ARHGEF10: variants seen among roughly 807,000 people sequenced by gnomAD.
The protein encoded by ARHGEF10 is Rho guanine nucleotide exchange factor 10, also known as Rho guanine nucleotide exchange factor (GEF) 10.
ARHGEF10 carries 140 observed loss-of-function variants against 147.4 expected under a neutral mutation model. The observed-to-expected ratio is 0.95, with a 90% confidence interval of 0.83 to 1.09. ARHGEF10 has a LOEUF of 1.09. Among genes scored for constraint, ARHGEF10 ranks in the 50% least tolerant of loss-of-function variants. The pLI is 0.00. For missense variants in ARHGEF10, 2,222 were observed against 1,752.7 expected, an observed-to-expected ratio of 1.27 and a Z score of -4.78; for synonymous variants, 902 against 695.8, an observed-to-expected ratio of 1.30 and a Z score of -4.67.
chr8:1,854,380 A>C (rs1217040823), intron 2 of ARHGEF10, among the ~76,000 whole-genome samples: 1 of 152,254 alleles, frequency 6.6e-6, no homozygotes, highest in Non-Finnish European at 1.5e-5. Context: ...GTGCAGCCTC[A>C]GGTGGTTACA....
At chr8:1,870,364 C>T (rs1807010720) in intron 7 of ARHGEF10, 1 of 149,172 alleles carries the variant, frequency 6.7e-6, no homozygotes, top group Admixed American at 6.8e-5. Flanking sequence ...CTGGTAAATG[C>T]AAGAAAATAT....
intron 18 of ARHGEF10, among the ~76,000 whole-genome samples, chr8:1,913,279 C>G (rs1811514596): frequency 1.3e-5 from 2 of 148,970 alleles, no homozygotes; most frequent in African/African-American, 5.0e-5. Context: ...ACCGCCCATC[C>G]TTCCCAGGGA....
At position 1,945,895 on chromosome 8, in the gene ARHGEF10, G is replaced by GCCGCGTGCTGGGAGGAA. The variant is rs1814545352; in HGVS notation, c.3397+256_3397+257insACCGCGTGCTGGGAGGA. 5.9e-5 allele frequency: 42 copies of GCCGCGTGCTGGGAGGAA among 708,172 alleles called. No individual in the cohort carries two copies. In the South Asian group the frequency reaches 6.9e-4, roughly 12 times the overall value. The allele number at this position is 708,172 out of a possible 1,614,324, so 43.9% of individuals were successfully genotyped here. On this transcript the variant is annotated intron_variant, in intron 27 of 28. Transcript: ENST00000349830. ...CTGAAGGAGCCGCGTGCTGGGAGGAGCCGCGTGCTGGGAGGAGCCGCGTGG... is the reference window on the plus strand; with the variant it reads ...CTGAAGGAGCCGCGTGCTGGGAGGAGCCGCGTGCTGGGAGGAACCGCGTGCTGGGAGGAGCCGCGTGG...
intron 2 of ARHGEF10, among the ~76,000 whole-genome samples, chr8:1,851,122 C>G (rs763360002): frequency 6.6e-6 from 1 of 152,010 alleles, no homozygotes; most frequent in Non-Finnish European, 1.5e-5. Flanking sequence ...ACACGCCTGT[C>G]CAAACCCATA....
In ARHGEF10 at chr8:1,889,035, C is replaced by T. The variant is rs898184256; in HGVS notation, c.1182+3328C>T. 2.1e-4 allele frequency among the ~76,000 whole-genome samples: 16 copies of T among 76,700 alleles called. 3 individuals carry two copies. The highest frequency in any genetic ancestry group is 3.2e-4 in the Non-Finnish European group (13 of 40,046). The allele number at this position is 76,700 out of a possible 152,430, so 50.3% of individuals were successfully genotyped here. A position where few individuals can be genotyped will look rare whatever the true frequency, so the allele number is the denominator to read the frequency against. On this transcript the variant is annotated intron_variant, in intron 11 of 28. Coordinates refer to ENST00000349830, the MANE Select transcript of ARHGEF10 (RefSeq NM_014629.4). ...GAGTGCAGTGAGAGTTGTGAGGAAA[C>T]ATGGAGTGGGGTGCGGGTCATGAGG...
intron 18 of ARHGEF10, among the ~76,000 whole-genome samples, chr8:1,911,629 C>T (rs571645850): frequency 6.6e-6 from 1 of 152,108 alleles, no homozygotes; most frequent in Non-Finnish European, 1.5e-5. Context: ...GCTTCTATCC[C>T]GACACGTCTG....
chr8:1,859,775 T>C (rs1471961454), intron 3 of ARHGEF10, 122 bp from the exon 4 acceptor site: 28 of 1,244,200 alleles, frequency 2.3e-5, no homozygotes, highest in Non-Finnish European at 3.1e-5. Flanking sequence ...TGGGAACGTC[T>C]AGGGGTCCTG....
chr8:1,925,527 A>T (rs968046986), intron 22 of ARHGEF10, 123 bp downstream of exon 22: 1 of 1,356,288 alleles, frequency 7.4e-7, no homozygotes, highest in Non-Finnish European at 1.0e-6. Flanking sequence ...CACCACAGTG[A>T]CCGCTTCTCT....
intron 7 of ARHGEF10, among the ~76,000 whole-genome samples, chr8:1,873,539 C>T (rs56117805): frequency 2.4e-4 from 27 of 110,398 alleles, no homozygotes; most frequent in African/African-American, 7.9e-4. Flanking sequence ...GTAGTGCACC[C>T]GCATTTCCTA....
intron 11 of ARHGEF10, among the ~76,000 whole-genome samples, chr8:1,886,084 T>C (rs1808635028): frequency 6.6e-6 from 1 of 152,190 alleles, no homozygotes; most frequent in Non-Finnish European, 1.5e-5. Flanking sequence ...TGTATGTAGC[T>C]ACCTGAGACT....
intron 8 of ARHGEF10, among the ~76,000 whole-genome samples, chr8:1,879,368 A>G (rs1807981253): frequency 1.3e-5 from 2 of 152,314 alleles, no homozygotes; most frequent in Non-Finnish European, 2.9e-5. Context: ...GGATGCCAAC[A>G]TAAAAAATGA....
At chr8:1,928,896 G>T (rs1290823468) in intron 24 of ARHGEF10, among the ~76,000 whole-genome samples, 3 of 152,154 alleles carry the variant, frequency 2.0e-5, no homozygotes, top group African/African-American at 7.2e-5. Flanking sequence ...CAGTTTGGCT[G>T]TTTGCCACTG....
Position 1,905,584 on chromosome 8 carries a change from G to A in ARHGEF10, c.1835G>A (p.Gly612Glu), listed in dbSNP as rs1306912691. The change falls in exon 17 of 29, where the codon GGA becomes GAA. Residue 612 changes from glycine (G) to glutamate (E), a missense_variant. Coordinates refer to ENST00000349830, the MANE Select transcript of ARHGEF10 (RefSeq NM_014629.4). ...ERYLNKLLSSGSRYLIRSDDM... is the reference protein window; with the variant it reads ...ERYLNKLLSSESRYLIRSDDM... ...TTGAATGTCCAGCTTCTCAGCAGTG[G>A]AAGCCGATACCTCATTCGATCAGAT... 3.1e-6 allele frequency: 5 copies of A among 1,614,214 alleles called. No individual in the cohort carries two copies. Among genetic ancestry groups the A allele is most frequent in the Non-Finnish European group, 4.2e-6 (5 of 1,180,048 alleles).
chr8:1,945,892 G>GGAGCCGCGTGCTGGGAA, intron 27 of ARHGEF10: 1 of 713,710 alleles, frequency 1.4e-6, no homozygotes, highest in Non-Finnish European at 2.4e-6. Context: ...CGTGCTGGGA[G>GGAGCCGCGTGCTGGGAA]GAGCCGCGTG....
rs57422654 is a variant in ARHGEF10, at chr8:1,866,422, GACACACACAC to G, written c.546-85_546-76del. ...ATAGTAACATATATATATATATTCT[GACACACACAC>G]ACACACACACACACACACTCTGCAG... On this transcript the variant is annotated intron_variant, in intron 5 of 28. Coordinates refer to ENST00000349830, the MANE Select transcript of ARHGEF10 (RefSeq NM_014629.4). The G allele has an allele frequency of 8.0e-3, 6,259 of 782,606 alleles. 192 individuals carry two copies. In the East Asian group the frequency reaches 0.13, roughly 16 times the overall value. The allele number at this position is 782,606 out of a possible 1,614,324, so 48.5% of individuals were successfully genotyped here.
chr8:1,945,735 C>G, intron 27 of ARHGEF10, 80 bp downstream of exon 27: 1 of 1,564,766 alleles, frequency 6.4e-7, no homozygotes, highest in Non-Finnish European at 8.8e-7. Context: ...GTCAGCCCAC[C>G]TTAGCGCTTC....
chr8:1,839,969 G>C (rs1422121125), intron 1 of ARHGEF10, among the ~76,000 whole-genome samples: 14 of 143,180 alleles, frequency 9.8e-5, no homozygotes, highest in African/African-American at 2.7e-4. Context: ...AAGCTGTCTG[G>C]TGTGGAAGCT....
chr8:1,905,496 A>G (rs1810810587), intron 16 of ARHGEF10, 75 bp from the exon 17 acceptor site: 4 of 1,591,042 alleles, frequency 2.5e-6, no homozygotes, highest in Non-Finnish European at 3.4e-6. Flanking sequence ...GAGACTCCAT[A>G]CCAGACTTCT....
intron 28 of ARHGEF10, among the ~76,000 whole-genome samples, chr8:1,953,499 G>T (rs1429667510): frequency 6.6e-6 from 1 of 152,256 alleles, no homozygotes; most frequent in Non-Finnish European, 1.5e-5. Flanking sequence ...ACACAGTCCC[G>T]TTAGGGATTG....
Sources: gnomAD v4.1 joint callset for allele counts (sites outside exome capture counted in the v4.1 genomes callset) on GRCh38, gnomAD v4.1.1 for gene constraint, MANE v1.5 for transcripts, NCBI Gene and HGNC (gene_info 2026-07-23, HGNC 2026-07-21) for gene names.